MTREX: variants seen among roughly 807,000 people sequenced by gnomAD.
The protein encoded by MTREX is exosome RNA helicase MTR4.
In MTREX, 76 loss-of-function variants were observed where a neutral mutation model predicts 135.4. The ratio of observed to expected loss-of-function variants is 0.56; its 90% CI spans 0.47 to 0.68. The LOEUF is 0.68. MTREX is among the 30% of genes least tolerant of loss of function. The probability of loss-of-function intolerance (pLI) is 0.00; values close to 1 mark genes in which losing one functional copy is unlikely to be tolerated. For synonymous variants in MTREX, 404 were observed against 401.6 expected, an observed-to-expected ratio of 1.01 and a Z score of -0.07; for missense variants, 920 against 1,262.1, an observed-to-expected ratio of 0.73 and a Z score of 4.11.
intron 1 of MTREX, among the ~76,000 whole-genome samples, chr5:55,308,590 C>T (rs375086155): frequency 5.6e-4 from 85 of 152,280 alleles, no homozygotes; most frequent in African/African-American, 1.8e-3. Flanking sequence ...TAGTAGTTTT[C>T]TCTTCCGTAA....
chr5:55,423,063 A>G, intron 26 of MTREX, 81 bp downstream of exon 26: 1 of 1,030,368 alleles, frequency 9.7e-7, no homozygotes, highest in South Asian at 1.4e-5. Flanking sequence ...ACAACCTAGG[A>G]GGACGTTTTG....
chr5:55,410,543 A>G lies in MTREX; in HGVS notation c.2665A>G (p.Thr889Ala). 1 of 1,609,350 alleles carries G rather than the reference A, an allele frequency of 6.2e-7. No individual in the cohort carries two copies. The highest frequency in any genetic ancestry group is 8.5e-7 in the Non-Finnish European group (1 of 1,176,888). Residue 889 changes from threonine to alanine, a missense_variant, in exon 23 of 27, where the codon ACT (threonine) becomes GCT (alanine). By Grantham distance (58) the Thr-to-Ala change is moderately conservative. This residue lies in a region of MTREX where 467 missense variants were observed against 589.7 expected (regional missense o/e 0.79). Transcript: ENST00000230640. ...TTGTAGTGCTGATGAGCTCCTTCTAACTGAGATGATGTTTAATGGCCTTTT... is the reference window on the plus strand; with the variant it reads ...TTGTAGTGCTGATGAGCTCCTTCTAGCTGAGATGATGTTTAATGGCCTTTT... The part of the protein sequence containing the change: ...EISSADELLL[T>A]EMMFNGLFND...
At chr5:55,350,898 A>T (rs1203677216) in intron 12 of MTREX, 21 bp from the exon 13 acceptor site, 2 of 1,533,498 alleles carry the variant, frequency 1.3e-6, no homozygotes, top group Non-Finnish European at 8.9e-7. Flanking sequence ...TTATAAAATC[A>T]GTGTTATTCC....
At chr5:55,358,280 A>T (rs563771453) in intron 14 of MTREX, among the ~76,000 whole-genome samples, 29 of 152,362 alleles carry the variant, frequency 1.9e-4, no homozygotes, top group African/African-American at 7.0e-4. Context: ...TTAAAAGCCT[A>T]AATTTTAGGC....
intron 21 of MTREX, among the ~76,000 whole-genome samples, chr5:55,401,822 C>A (rs1750727145): frequency 6.6e-6 from 1 of 152,148 alleles, no homozygotes; most frequent in Non-Finnish European, 1.5e-5. Context: ...CTTTCCACTA[C>A]CTACTTTTTT....
chr5:55,382,914 G>A lies in MTREX; in HGVS notation c.2052+3719G>A, dbSNP rs183492696. ...CTCCCAAAGTGCTGGGATTATAGGC[G>A]TGAGCCACCATGCCTGGCCACTTTT... On this transcript the variant is annotated intron_variant, in intron 18 of 26. Transcript: ENST00000230640. Among the ~76,000 whole-genome samples the A allele has an allele frequency of 5.4e-3, 824 of 152,288 alleles. 8 individuals carry two copies. The highest frequency in any genetic ancestry group is 0.019 in the African/African-American group (790 of 41,548).
intron 11 of MTREX, 82 bp downstream of exon 11, chr5:55,347,226 C>T: frequency 1.5e-6 from 2 of 1,362,842 alleles, no homozygotes; most frequent in South Asian, 1.3e-5. Flanking sequence ...TTATCTGTTA[C>T]ATATTACTAG....
chr5:55,355,665 C>G (rs1479702083), intron 14 of MTREX, among the ~76,000 whole-genome samples: 4 of 152,178 alleles, frequency 2.6e-5, no homozygotes, highest in Non-Finnish European at 5.9e-5. Context: ...TTGGCGAATC[C>G]TGGGGCCAGG....
At chr5:55,387,663 T>C (rs1750499946) in intron 18 of MTREX, among the ~76,000 whole-genome samples, 1 of 152,128 alleles carries the variant, frequency 6.6e-6, no homozygotes, top group Non-Finnish European at 1.5e-5. Context: ...GATTTGAAGA[T>C]GCAAATTAAT....
intron 20 of MTREX, among the ~76,000 whole-genome samples, chr5:55,397,793 A>G (rs1356514103): frequency 2.6e-5 from 4 of 152,248 alleles, no homozygotes; most frequent in African/African-American, 7.2e-5. Flanking sequence ...AGTGAAAGCT[A>G]TAGACTGTAT....
intron 14 of MTREX, among the ~76,000 whole-genome samples, chr5:55,355,106 A>G (rs1003640672): frequency 2.0e-5 from 3 of 152,166 alleles, no homozygotes; most frequent in Non-Finnish European, 2.9e-5. Flanking sequence ...AGAAGGAGAG[A>G]GTTAAGCAGC....
Position 55,420,835 on chromosome 5 carries a change from T to C in MTREX, c.2972-2043T>C, listed in dbSNP as rs201594635. ...TAAAAACCACTCAGTTGTACACTTATTTAAAATAATTTATGGTGTGTGAAT... is the reference window on the plus strand; with the variant it reads ...TAAAAACCACTCAGTTGTACACTTACTTAAAATAATTTATGGTGTGTGAAT... On this transcript the variant is annotated intron_variant, in intron 25 of 26. Transcript: ENST00000230640. 6.5e-3 allele frequency among the ~76,000 whole-genome samples: 233 copies of C among 35,980 alleles called. 2 individuals carry two copies. In the East Asian group the frequency reaches 0.065, roughly 10 times the overall value. The allele number at this position is 35,980 out of a possible 152,430, so 23.6% of individuals were successfully genotyped here. A position where few individuals can be genotyped will look rare whatever the true frequency, so the allele number is the denominator to read the frequency against.
At chr5:55,385,186 A>T (rs1006309926) in intron 18 of MTREX, among the ~76,000 whole-genome samples, 1 of 152,170 alleles carries the variant, frequency 6.6e-6, no homozygotes, top group Non-Finnish European at 1.5e-5. Flanking sequence ...TCTGAGTAAC[A>T]TCACTGCTTT....
chr5:55,416,021 G>T lies in MTREX; in HGVS notation c.2860G>T (p.Asp954Tyr). Reference sequence around the variant, plus strand: ...TTCAGCAGAAGCCAAATTGGAAATTGATGAGGAAACTTATCTAAGCTCATT... The same window carrying T: ...TTCAGCAGAAGCCAAATTGGAAATTTATGAGGAAACTTATCTAAGCTCATT... Reference protein sequence around the residue: ...KVSAEAKLEIDEETYLSSFKP... With the variant: ...KVSAEAKLEIYEETYLSSFKP... The change falls in exon 25 of 27, where the codon GAT (aspartate) becomes TAT (tyrosine). Residue 954 changes from aspartate (D) to tyrosine (Y), a missense_variant. Physicochemically the swap from Asp to Tyr is radical, Grantham distance 160. This residue lies in a region of MTREX where 467 missense variants were observed against 589.7 expected (regional missense o/e 0.79). Transcript: ENST00000230640. 1 of 1,599,812 alleles carries T rather than the reference G, an allele frequency of 6.3e-7. No individual in the cohort carries two copies. Among genetic ancestry groups the T allele is most frequent in the South Asian group, 1.1e-5 (1 of 87,862 alleles).
chr5:55,349,675 T>A (rs1034796622), intron 12 of MTREX, 23 bp downstream of exon 12: 18 of 1,288,940 alleles, frequency 1.4e-5, no homozygotes, highest in Non-Finnish European at 2.0e-5. Flanking sequence ...TATCAGTAGA[T>A]AAAAGTGTAG....
chr5:55,363,458 C>A (rs1425281537), intron 15 of MTREX, among the ~76,000 whole-genome samples: 1 of 152,140 alleles, frequency 6.6e-6, no homozygotes, highest in African/African-American at 2.4e-5. Flanking sequence ...AAAAGGAATT[C>A]TTCGAAGTTT....
intron 14 of MTREX, among the ~76,000 whole-genome samples, chr5:55,354,996 C>T (rs921140263): frequency 5.3e-5 from 8 of 152,072 alleles, no homozygotes; most frequent in South Asian, 2.1e-4. Context: ...GTGGATTGGG[C>T]GAGGGAAGCT....
At chr5:55,373,965 T>C (rs2112093993) in intron 16 of MTREX, among the ~76,000 whole-genome samples, 1 of 152,074 alleles carries the variant, frequency 6.6e-6, no homozygotes, top group South Asian at 2.1e-4. Context: ...TTATGTAACA[T>C]AAAAAATACA....
chr5:55,419,759 T>G (rs1231003811), intron 25 of MTREX, among the ~76,000 whole-genome samples: 1 of 152,240 alleles, frequency 6.6e-6, no homozygotes, highest in Non-Finnish European at 1.5e-5. Context: ...AACTATTTAC[T>G]GTACCTCTGC....
Sources: gnomAD v4.1 joint callset for allele counts (sites outside exome capture counted in the v4.1 genomes callset) on GRCh38, gnomAD v4.1.1 for gene constraint, gnomAD v4.1.1 regional missense constraint, MANE v1.5 for transcripts, NCBI Gene and HGNC (gene_info 2026-07-23, HGNC 2026-07-21) for gene names.